The following SLC13A4 variants were observed in gnomAD, a reference collection of about 807,000 sequenced individuals.
SLC13A4 encodes solute carrier family 13 member 4, also known as Na(+)/sulfate cotransporter SUT-1.
SLC13A4 carries 28 observed loss-of-function variants against 72.7 expected under a neutral mutation model. The observed-to-expected ratio is 0.39, with a 90% confidence interval of 0.29 to 0.53. The LOEUF (loss-of-function observed/expected upper bound fraction) is 0.53. SLC13A4 is among the 20% of genes least tolerant of loss of function. SLC13A4 has a pLI of 0.78. For missense variants in SLC13A4, 653 were observed against 788.0 expected (o/e 0.83, Z 2.05); for synonymous variants, 312 against 325.5 (o/e 0.96, Z 0.45).
chr7:135,694,498 G>A (rs1795859128), intron 9 of SLC13A4, among the ~76,000 whole-genome samples: 2 of 152,072 alleles, frequency 1.3e-5, no homozygotes, highest in Admixed American at 6.5e-5. Flanking sequence ...GATGTCTCAG[G>A]GACTTGTGCA....
intron 10 of SLC13A4, among the ~76,000 whole-genome samples, chr7:135,693,898 A>C (rs529013025): frequency 5.9e-5 from 9 of 152,036 alleles, no homozygotes; most frequent in Admixed American, 2.0e-4. Flanking sequence ...CATGGTCAGC[A>C]CTCCACCCCA....
In SLC13A4 at chr7:135,685,420, C is replaced by T. The variant is rs1795597725; in HGVS notation, c.1608+102G>A. On this transcript the variant is annotated intron_variant, in intron 14 of 15. Transcript: ENST00000682651. Reference sequence around the variant, plus strand: ...ATTAGTGAAGGCTGTGGGCAGTAACCAGAGGAGAGCCTACAGCTACGGAAG... The same window carrying T: ...ATTAGTGAAGGCTGTGGGCAGTAACTAGAGGAGAGCCTACAGCTACGGAAG... 5.0e-6 allele frequency: 5 copies of T among 1,004,806 alleles called. No individual in the cohort carries two copies. In the East Asian group the frequency reaches 9.7e-5, roughly 19 times the overall value. 62.2% of individuals were successfully genotyped at this position (1,004,806 alleles called of 1,614,324 possible).
Position 135,706,261 on chromosome 7 carries a change from G to A in SLC13A4, c.405C>T (p.Ser135=). 1 of 1,613,810 alleles carries A rather than the reference G, an allele frequency of 6.2e-7. No homozygotes were observed. Among genetic ancestry groups the A allele is most frequent in the Non-Finnish European group, 8.5e-7 (1 of 1,179,780 alleles). Residue 135 remains serine, a synonymous_variant, in exon 4 of 16, where the codon TCC becomes TCT. Transcript: ENST00000682651. Reference sequence around the variant, plus strand: ...TGGTGGAGGTGTTGGACAGCCACATGGACAGCAACGTGGTACAGCACATGA... The same window carrying A: ...TGGTGGAGGTGTTGGACAGCCACATAGACAGCAACGTGGTACAGCACATGA... ...LCFMCCTTLL[S]MWLSNTSTTA... is the part of the protein sequence containing the mutation.
chr7:135,719,781 ATG>A (rs968225969), intron 2 of SLC13A4, among the ~76,000 whole-genome samples: 70 of 145,844 alleles, frequency 4.8e-4, no homozygotes, highest in South Asian at 1.1e-3. Flanking sequence ...TCAATGCCAC[ATG>A]TGTGTGTGTG....
Position 135,708,369 on chromosome 7 carries a change from G to A in SLC13A4, c.229-119C>T, listed in dbSNP as rs545695598. On this transcript the variant is annotated intron_variant, in intron 2 of 15. Transcript: ENST00000682651. ...GTTCTCAATCAAAGAGGCTGGCGAA[G>A]GGGAGGCAGGGGGGTGAGGATTATT... The A allele has an allele frequency of 8.1e-5, 108 of 1,331,468 alleles. No individual in the cohort carries two copies. The African/African-American group carries it at 1.5e-3, about 18-fold the overall frequency. The allele number at this position is 1,331,468 out of a possible 1,614,324, so 82.5% of individuals were successfully genotyped here.
At chr7:135,723,989 A>T (rs1355395754) in intron 1 of SLC13A4, among the ~76,000 whole-genome samples, 1 of 152,232 alleles carries the variant, frequency 6.6e-6, no homozygotes, top group Non-Finnish European at 1.5e-5. Context: ...AAACTACCTA[A>T]AGGAGTTCAA....
At chr7:135,725,431 G>A (rs1796635257) in intron 1 of SLC13A4, among the ~76,000 whole-genome samples, 1 of 152,318 alleles carries the variant, frequency 6.6e-6, no homozygotes, top group South Asian at 2.1e-4. Context: ...TATGGATGCT[G>A]TCTCTTGTAC....
chr7:135,700,076 GA>G (rs1239356100), intron 7 of SLC13A4, among the ~76,000 whole-genome samples: 11 of 152,098 alleles, frequency 7.2e-5, no homozygotes, highest in African/African-American at 2.7e-4. Context: ...ATGGAGAGAT[GA>G]CTAAAAAATA....
At chr7:135,714,633 CG>C (rs1452429618) in intron 2 of SLC13A4, among the ~76,000 whole-genome samples, 1 of 152,190 alleles carries the variant, frequency 6.6e-6, no homozygotes, top group African/African-American at 2.4e-5. Flanking sequence ...TGCAGAGGAC[CG>C]GTCAGCCTCC....
At chr7:135,704,273 G>A (rs563530098) in intron 5 of SLC13A4, 1 of 152,376 alleles carries the variant, frequency 6.6e-6, no homozygotes, top group Non-Finnish European at 1.5e-5. Flanking sequence ...CCCAGAGCAA[G>A]GCCCTGCCAT....
chr7:135,708,148 G>A lies in SLC13A4; in HGVS notation c.331C>T (p.Arg111Cys), dbSNP rs1285193675. Reference protein sequence around the residue: ...KWNLHKRIALRMVLMAGAKPG... With the variant: ...KWNLHKRIALCMVLMAGAKPG... ...TTGGCTCCGGCCATCAAGACCATGC[G>A]CAGAGCAATGCGCTTATGCAGGTTC... Residue 111 changes from arginine (R) to cysteine (C), a missense_variant, in exon 3 of 16, where the codon CGC (arginine) becomes TGC (cysteine). Physicochemically the swap from Arg to Cys is radical, Grantham distance 180. Coordinates refer to ENST00000682651, the MANE Select transcript of SLC13A4 (RefSeq NM_001318192.2). The A allele has an allele frequency of 1.9e-6, 3 of 1,614,052 alleles. No individual in the cohort carries two copies. The highest frequency in any genetic ancestry group is 2.2e-5 in the East Asian group (1 of 44,890).
At chr7:135,720,570 A>C (rs957593042) in intron 2 of SLC13A4, among the ~76,000 whole-genome samples, 13 of 151,660 alleles carry the variant, frequency 8.6e-5, no homozygotes, top group Admixed American at 2.0e-4. Flanking sequence ...AAAAAAAAAA[A>C]AAAACCAAAA....
intron 5 of SLC13A4, 67 bp downstream of exon 5, chr7:135,705,529 C>A: frequency 2.1e-6 from 3 of 1,462,146 alleles, no homozygotes; most frequent in South Asian, 1.1e-5. Flanking sequence ...GGGTCTAGGT[C>A]CCCTCTTTTC....
In SLC13A4 at chr7:135,691,196, A is replaced by AG. The variant is rs760638018; in HGVS notation, c.1446+4_1446+5insC. On this transcript the variant is annotated splice_donor_region_variant and intron_variant, in intron 13 of 15. Transcript: ENST00000682651. ...AACCCCAAAAAAACAGAATTCAAGA[A>AG]TTACCTTGCTACCAGAAGCCAGAGC... 1.9e-6 allele frequency: 3 copies of AG among 1,583,868 alleles called. No individual in the cohort carries two copies. The highest frequency in any genetic ancestry group is 1.4e-5 in the African/African-American group (1 of 72,400).
chr7:135,700,754 C>A (rs1264286832), intron 7 of SLC13A4, among the ~76,000 whole-genome samples: 1 of 152,190 alleles, frequency 6.6e-6, no homozygotes, highest in African/African-American at 2.4e-5. Flanking sequence ...AAGTGATCCT[C>A]CTACCTCAGC....
chr7:135,721,362 C>T, intron 2 of SLC13A4, 33 bp downstream of exon 2: 1 of 1,612,054 alleles, frequency 6.2e-7, no homozygotes, highest in East Asian at 2.2e-5. Flanking sequence ...CTGCAGGGAC[C>T]CAGGCAGGGG....
Position 135,701,740 on chromosome 7 carries a change from C to T in SLC13A4, c.654G>A (p.Ser218=), listed in dbSNP as rs201939716. ...MHNENLNGVP[S]ITNPIKTANQ... ...TTGCAGTTTTGATGGGGTTGGTGATCGAGGGCACACCATTCAGGTTCTGTT... is the reference window on the plus strand; with the variant it reads ...TTGCAGTTTTGATGGGGTTGGTGATTGAGGGCACACCATTCAGGTTCTGTT... Residue 218 remains serine (S), a synonymous_variant, in exon 7 of 16, where the codon TCG becomes TCA. Transcript: ENST00000682651. 4.3e-6 allele frequency: 7 copies of T among 1,613,588 alleles called. No individual in the cohort carries two copies. In the Admixed American group the frequency reaches 6.7e-5, roughly 15 times the overall value.
At chr7:135,702,001 G>C (rs1137839) in intron 6 of SLC13A4, 255,050 of 409,590 alleles carry the variant, frequency 0.62, 80,703 homozygotes, top group East Asian at 0.85. Flanking sequence ...TCTGCCCTTA[G>C]AGGAGAGCCA....
At chr7:135,724,523 GAA>G (rs1796613457) in intron 1 of SLC13A4, among the ~76,000 whole-genome samples, 2 of 67,278 alleles carry the variant, frequency 3.0e-5, no homozygotes, top group Non-Finnish European at 5.3e-5. Context: ...AAAAAAAAAA[GAA>G]GAAAGGAGAG....
Sources: allele counts gnomAD v4.1 joint callset (sites outside exome capture counted in the v4.1 genomes callset), GRCh38; gene constraint gnomAD v4.1.1; transcripts MANE v1.5; gene names NCBI Gene and HGNC (gene_info 2026-07-23, HGNC 2026-07-21).